SYDE2: variants seen among roughly 807,000 people sequenced by gnomAD.
SYDE2 encodes synapse defective Rho GTPase homolog 2.
A neutral mutation model predicts 91.5 loss-of-function variants in SYDE2; 76 were observed. The observed-to-expected ratio is 0.83, with a 90% CI of 0.69 to 1.01. SYDE2 has a LOEUF of 1.01. Ranked by LOEUF, SYDE2 falls within the 50% of genes least tolerant of loss-of-function variation. The pLI is 0.00. For missense variants in SYDE2, 1,364 were observed against 1,367.7 expected (o/e 1.00, Z 0.04); for synonymous variants, 513 against 506.4 (o/e 1.01, Z -0.18).
At chr1:85,161,383 A>G (rs947757372) in intron 6 of SYDE2, among the ~76,000 whole-genome samples, 1 of 152,208 alleles carries the variant, frequency 6.6e-6, no homozygotes, top group Admixed American at 6.5e-5. Flanking sequence ...AATAAGAGGA[A>G]AACTGATACC....
At position 85,200,536 on chromosome 1, in the gene SYDE2, G is replaced by A. The variant is rs936049452; in HGVS notation, c.461C>T (p.Ser154Leu). 1.2e-6 allele frequency: 2 copies of A among 1,612,132 alleles called. No homozygotes were observed. Among genetic ancestry groups the A allele is most frequent in the South Asian group, 1.1e-5 (1 of 91,062 alleles). Residue 154 changes from serine (S) to leucine (L), a missense_variant, in exon 1 of 7, where the codon TCG (serine) becomes TTG (leucine). Ser to Leu is a moderately radical substitution (Grantham distance 145). Coordinates refer to ENST00000341460, the MANE Select transcript of SYDE2 (RefSeq NM_032184.2). Reference sequence around the variant, plus strand: ...CGCTGGATCCCTGAAAGGGCTTCCCGAGGAGCAGCCGTGGTCCTTGCAGCC... The same window carrying A: ...CGCTGGATCCCTGAAAGGGCTTCCCAAGGAGCAGCCGTGGTCCTTGCAGCC... The part of the protein sequence containing the change: ...PPGCKDHGCS[S>L]GSPFRDPAGS...
chr1:85,199,659 T>C (rs1391486426), intron 1 of SYDE2, among the ~76,000 whole-genome samples: 1 of 152,140 alleles, frequency 6.6e-6, no homozygotes, highest in African/African-American at 2.4e-5. Context: ...GGAGAGATGG[T>C]GTATGTGAAA....
chr1:85,175,694 A>G (rs767164159), intron 4 of SYDE2, among the ~76,000 whole-genome samples: 3 of 152,182 alleles, frequency 2.0e-5, no homozygotes, highest in Non-Finnish European at 4.4e-5. Flanking sequence ...TCATATTTCA[A>G]AGTTTACTCA....
rs759939380 is a variant in SYDE2, at chr1:85,159,253, G to A, written c.3086-4C>T. 1.3e-6 allele frequency: 1 copy of A among 775,284 alleles called. No homozygotes were observed. The highest frequency in any genetic ancestry group is 1.4e-5 in the South Asian group (1 of 73,212). 48.0% of individuals were successfully genotyped at this position (775,284 alleles called of 1,614,324 possible). A position where few individuals can be genotyped will look rare whatever the true frequency, so the allele number is the denominator to read the frequency against. ...TTTTTGACAGTTAAACGCTGCACTA[G>A]AAACAAACAATAATTTTGCTTTAGT... On this transcript the variant is annotated splice_polypyrimidine_tract_variant and splice_region_variant and intron_variant, in intron 6 of 6. Transcript: ENST00000341460.
At position 85,195,116 on chromosome 1, in the gene SYDE2, C is replaced by T. The variant is rs375714952; in HGVS notation, c.746-4364G>A. Among the ~76,000 whole-genome samples, 526 of 151,044 alleles carry T rather than the reference C, an allele frequency of 3.5e-3. 2 individuals carry two copies. The highest frequency in any genetic ancestry group is 0.027 in the South Asian group (128 of 4,808). On this transcript the variant is annotated intron_variant, in intron 1 of 6. Coordinates refer to ENST00000341460, the MANE Select transcript of SYDE2 (RefSeq NM_032184.2). ...CAGAGCTTGCATTGAGCCGAGATCA[C>T]GCCACTGCACTCCAGGCTGGGCAAC...
chr1:85,195,767 C>G lies in SYDE2; in HGVS notation c.745+4485G>C, dbSNP rs78355018. The stretch of plus-strand genomic sequence containing the variant: ...TCCTCAAGGCAGTACTCCTCAACTT[C>G]GACCTTTTCACTCTCCATCTAGAAT... On this transcript the variant is annotated intron_variant, in intron 1 of 6. Coordinates refer to ENST00000341460, the MANE Select transcript of SYDE2 (RefSeq NM_032184.2). 4.2e-3 allele frequency among the ~76,000 whole-genome samples: 643 copies of G among 152,294 alleles called. 2 individuals carry two copies. Among genetic ancestry groups the G allele is most frequent in the African/African-American group, 0.015 (617 of 41,556 alleles).
rs748520794 is a variant in SYDE2, at chr1:85,158,568, C to G, written c.*182G>C. ...TTTTATTGATCCCCAGAAAAGTTTT[C>G]TAGTGAGATAAGTAAAAATTGTATT... On this transcript the variant is annotated 3_prime_UTR_variant, in exon 7 of 7. Coordinates refer to ENST00000341460, the MANE Select transcript of SYDE2 (RefSeq NM_032184.2). The G allele has an allele frequency of 4.1e-6, 2 of 484,632 alleles. No homozygotes were observed. Among genetic ancestry groups the G allele is most frequent in the Admixed American group, 7.9e-5 (2 of 25,402 alleles). 30.0% of individuals were successfully genotyped at this position (484,632 alleles called of 1,614,324 possible). A position where few individuals can be genotyped will look rare whatever the true frequency, so the allele number is the denominator to read the frequency against.
chr1:85,184,932 A>C (rs1658072363), intron 2 of SYDE2, among the ~76,000 whole-genome samples: 1 of 151,916 alleles, frequency 6.6e-6, no homozygotes, highest in Non-Finnish European at 1.5e-5. Context: ...AGGAAAAAAC[A>C]AGTCATAATT....
At chr1:85,181,840 T>C (rs1314803634) in intron 3 of SYDE2, 6 of 309,220 alleles carry the variant, frequency 1.9e-5, no homozygotes, top group Non-Finnish European at 3.5e-5. Flanking sequence ...TTTGAAGCAA[T>C]CCTGATTTCT....
intron 3 of SYDE2, among the ~76,000 whole-genome samples, chr1:85,179,270 G>C (rs181910690): frequency 4.6e-5 from 7 of 152,174 alleles, no homozygotes; most frequent in African/African-American, 1.7e-4. Flanking sequence ...TTTGAATTAG[G>C]AATCACTGTA....
intron 1 of SYDE2, among the ~76,000 whole-genome samples, chr1:85,196,969 T>C (rs1177591941): frequency 6.6e-6 from 1 of 152,184 alleles, no homozygotes; most frequent in Non-Finnish European, 1.5e-5. Flanking sequence ...CCAGACCATG[T>C]AGCAGGAAAA....
chr1:85,196,579 A>G (rs188289019), intron 1 of SYDE2, among the ~76,000 whole-genome samples: 77 of 148,836 alleles, frequency 5.2e-4, no homozygotes, highest in African/African-American at 1.9e-3. Flanking sequence ...AGCAACTCCA[A>G]TGTTCCATGA....
intron 1 of SYDE2, among the ~76,000 whole-genome samples, chr1:85,191,014 T>G (rs1658345189): frequency 6.6e-6 from 1 of 152,082 alleles, no homozygotes; most frequent in Admixed American, 6.6e-5. Context: ...TTATAAAAAC[T>G]ATAGTGCTAA....
At chr1:85,163,930 A>C (rs1459611142) in intron 6 of SYDE2, among the ~76,000 whole-genome samples, 3 of 152,212 alleles carry the variant, frequency 2.0e-5, no homozygotes, top group African/African-American at 7.2e-5. Context: ...GATTGAAATA[A>C]GGATTGGATA....
intron 2 of SYDE2, among the ~76,000 whole-genome samples, chr1:85,189,700 G>T (rs1257969551): frequency 1.3e-5 from 2 of 152,160 alleles, no homozygotes; most frequent in Non-Finnish European, 2.9e-5. Context: ...GCTGGGCATG[G>T]TGGCACGCAC....
In SYDE2 at chr1:85,200,655, C is replaced by A. The variant is rs1391934020; in HGVS notation, c.342G>T (p.Arg114=). The A allele has an allele frequency of 7.1e-6, 11 of 1,538,998 alleles. No individual in the cohort carries two copies. Among genetic ancestry groups the A allele is most frequent in the Non-Finnish European group, 9.6e-6 (11 of 1,147,812 alleles). The stretch of plus-strand genomic sequence containing the variant: ...CACGTGGCGGGGGCTCGTCCCAGTC[C>A]CGGTGCGCGCCGCACCTGATCCAGC... ...SDSWIRCGAH[R]DWDEPPPRGG... The change falls in exon 1 of 7, where the codon CGG becomes CGT. Residue 114 remains arginine, a synonymous_variant. Coordinates refer to ENST00000341460, the MANE Select transcript of SYDE2 (RefSeq NM_032184.2).
intron 1 of SYDE2, among the ~76,000 whole-genome samples, chr1:85,191,575 T>TA (rs1286660520): frequency 2.0e-5 from 3 of 151,950 alleles, no homozygotes; most frequent in African/African-American, 4.8e-5. Context: ...CTGGCCAACA[T>TA]AGTGAAACCC....
At chr1:85,168,906 T>C in intron 5 of SYDE2, 138 bp downstream of exon 5, 1 of 742,998 alleles carries the variant, frequency 1.3e-6, no homozygotes, top group Non-Finnish European at 2.3e-6. Flanking sequence ...ACTTAGGCTG[T>C]TTAAAGGCAG....
intron 3 of SYDE2, 141 bp downstream of exon 3, chr1:85,181,957 C>G: frequency 1.1e-6 from 1 of 916,862 alleles, no homozygotes; most frequent in Non-Finnish European, 1.6e-6. Flanking sequence ...ATACCCTAAA[C>G]AGTAATGGAA....
Sources: gnomAD v4.1 joint callset for allele counts (sites outside exome capture counted in the v4.1 genomes callset) on GRCh38, gnomAD v4.1.1 for gene constraint, MANE v1.5 for transcripts, NCBI Gene and HGNC (gene_info 2026-07-23, HGNC 2026-07-21) for gene names.